Variants in DAP3 observed in about 807,000 individuals in gnomAD.
DAP3 encodes death associated protein 3, also known as small ribosomal subunit protein mS29.
A neutral mutation model predicts 51.9 loss-of-function variants in DAP3; 28 were observed. The observed-to-expected ratio is 0.54, with a 90% CI of 0.40 to 0.74. DAP3 has a LOEUF of 0.74. DAP3 is among the 30% of genes least tolerant of loss of function. DAP3 has a pLI of 0.00. For synonymous variants in DAP3, 170 were observed against 170.3 expected (o/e 1.00, Z 0.01); for missense variants, 458 against 483.5 (o/e 0.95, Z 0.49).
chr1:155,688,199 C>G, upstream of DAP3: 1 of 1,613,954 alleles, frequency 6.2e-7, no homozygotes, highest in Non-Finnish European at 8.5e-7. Flanking sequence ...GCGGGTAAGC[C>G]GACTGGCGGA....
chr1:155,705,981 A>G (rs1004401078), intron 1 of DAP3, among the ~76,000 whole-genome samples: 4 of 152,134 alleles, frequency 2.6e-5, no homozygotes, highest in Non-Finnish European at 5.9e-5. Flanking sequence ...GATCACAGGT[A>G]TGAACCACTG....
chr1:155,709,345 T>G (rs1033310919), intron 1 of DAP3, among the ~76,000 whole-genome samples: 2 of 152,090 alleles, frequency 1.3e-5, no homozygotes, highest in Non-Finnish European at 2.9e-5. Flanking sequence ...AGGGTCTCAC[T>G]TTGTTGCTGA....
rs1263034264 is a variant in DAP3 at position 155,725,366 on chromosome 1, T to C, written c.271-16T>C. 1 of 1,608,808 alleles carries C rather than the reference T, an allele frequency of 6.2e-7. No homozygotes were observed. Among genetic ancestry groups the C allele is most frequent in the Non-Finnish European group, 8.5e-7 (1 of 1,175,262 alleles). ...TCCACACCCACCCACTCTTTCCTTC[T>C]TTCCTACTTTATCAGGTGAAGACAT... On this transcript the variant is annotated splice_polypyrimidine_tract_variant and intron_variant, in intron 4 of 12. Transcript: ENST00000368336.
chr1:155,688,503 C>T, upstream of DAP3: 1 of 1,548,028 alleles, frequency 6.5e-7, no homozygotes, highest in Non-Finnish European at 8.7e-7. Context: ...CGAGTGTCTA[C>T]GGGCTCGTCG....
chr1:155,702,041 A>C (rs1441975185), intron 1 of DAP3, among the ~76,000 whole-genome samples: 1 of 150,928 alleles, frequency 6.6e-6, no homozygotes, highest in Admixed American at 6.6e-5. Context: ...ACCAAAGACA[A>C]GTTGACCCTA....
At chr1:155,698,899 T>C (rs1368017979) in intron 1 of DAP3, among the ~76,000 whole-genome samples, 1 of 152,184 alleles carries the variant, frequency 6.6e-6, no homozygotes, top group African/African-American at 2.4e-5. Flanking sequence ...TTGGGAGTCC[T>C]TTGTCTGTCG....
At chr1:155,702,981 AAAAG>A (rs1655500191) in intron 1 of DAP3, among the ~76,000 whole-genome samples, 1 of 152,142 alleles carries the variant, frequency 6.6e-6, no homozygotes, top group Non-Finnish European at 1.5e-5. Context: ...GAAAAAAAGA[AAAAG>A]AAAAAGAAAA....
In DAP3 at chr1:155,729,240, A is replaced by G; in HGVS notation, c.717A>G (p.Ala239=). The G allele has an allele frequency of 3.1e-6, 5 of 1,614,176 alleles. No homozygotes were observed. Among genetic ancestry groups the G allele is most frequent in the African/African-American group, 1.3e-5 (1 of 75,050 alleles). ...GITRVRNATD[A]VGIVLKELKR... ...CACGGGTGAGGAACGCCACAGATGC[A>G]GTTGGAATTGTGCTGAAAGAGCTAA... is the stretch of plus-strand genomic sequence containing the variant. Residue 239 remains alanine (A), a synonymous_variant, in exon 9 of 13, where the codon GCA becomes GCG. Transcript: ENST00000368336.
chr1:155,727,736 C>T lies in DAP3; in HGVS notation c.601C>T (p.Gln201Ter). ...AACTACAAATGAGCGCTTCCTGAAC[C>T]AGGTGACTAGACTCCCAGAAGTTGA... Reference protein sequence around the residue: ...FKTTNERFLNQIKVQEKYVWN... With the variant: ...FKTTNERFLN The change falls in exon 7 of 13, where the codon CAG (glutamine) becomes TAG (stop). Residue 201 changes from glutamine (Q) to a stop codon, truncating the protein, a stop_gained and splice_region_variant. Transcript: ENST00000368336. LOFTEE classifies it high-confidence loss of function. The T allele has an allele frequency of 1.2e-6, 2 of 1,613,288 alleles. No individual in the cohort carries two copies. The highest frequency in any genetic ancestry group is 1.7e-6 in the Non-Finnish European group (2 of 1,179,594).
rs970416794 is a variant in DAP3 at position 155,731,868 on chromosome 1, A to G, written c.904-76A>G. The G allele has an allele frequency of 7.6e-6, 11 of 1,450,746 alleles. No homozygotes were observed. The Admixed American group carries it at 1.8e-4, about 24-fold the overall frequency. 89.9% of individuals were successfully genotyped at this position (1,450,746 alleles called of 1,614,324 possible). A position where few individuals can be genotyped will look rare whatever the true frequency, so the allele number is the denominator to read the frequency against. ...CACTGTATGCCCAAGAAAGAAAAAA[A>G]AAATCTACAGATGATTAATGCAGTT... is the stretch of plus-strand genomic sequence containing the variant. On this transcript the variant is annotated intron_variant, in intron 10 of 12. Transcript: ENST00000368336.
At chr1:155,688,470 G>C (rs1653024790), upstream of DAP3, 3 of 1,549,532 alleles carry the variant, frequency 1.9e-6, no homozygotes, top group African/African-American at 2.7e-5. Context: ...GCCATGTAGC[G>C]CGCACGTCAG....
intron 9 of DAP3, 33 bp from the exon 10 acceptor site, chr1:155,731,323 A>AGT: frequency 6.2e-7 from 1 of 1,606,020 alleles, no homozygotes; most frequent in Middle Eastern, 1.7e-4. Flanking sequence ...AAGGCACGTG[A>AGT]TGATCTCTTC....
intron 4 of DAP3, among the ~76,000 whole-genome samples, chr1:155,724,158 G>A (rs925042177): frequency 5.3e-5 from 8 of 151,814 alleles, no homozygotes; most frequent in African/African-American, 1.7e-4. Flanking sequence ...ACACACATTA[G>A]TACTTCCCAA....
At chr1:155,737,146 T>C in intron 12 of DAP3, 83 bp downstream of exon 12, 1 of 942,366 alleles carries the variant, frequency 1.1e-6, no homozygotes, top group Admixed American at 2.0e-5. Flanking sequence ...TCTTCTTCCC[T>C]TAACAACAGC....
At chr1:155,735,107 T>TG (rs151035247) in intron 11 of DAP3, among the ~76,000 whole-genome samples, 4,909 of 67,424 alleles carry the variant, frequency 0.073, 299 homozygotes, top group African/African-American at 0.23. Context: ...TACCAAAAAA[T>TG]GAAAAAAAAA....
At chr1:155,737,798 A>G (rs986139207) in intron 12 of DAP3, among the ~76,000 whole-genome samples, 3 of 152,080 alleles carry the variant, frequency 2.0e-5, no homozygotes, top group Admixed American at 2.0e-4. Context: ...TATTTAGAAT[A>G]GCTTATTAAA....
chr1:155,733,019 G>A (rs879872141), intron 11 of DAP3, among the ~76,000 whole-genome samples: 5 of 152,170 alleles, frequency 3.3e-5, no homozygotes, highest in Admixed American at 6.5e-5. Flanking sequence ...GCGAGACTCC[G>A]TCTCAAAAAA....
intron 5 of DAP3, 99 bp downstream of exon 5, chr1:155,725,589 A>G (rs750594124): frequency 8.8e-7 from 1 of 1,138,958 alleles, no homozygotes; most frequent in Non-Finnish European, 1.3e-6. Context: ...GAGGCCGGGC[A>G]TGGTAGCTCA....
chr1:155,688,371 G>A, upstream of DAP3: 1 of 1,543,286 alleles, frequency 6.5e-7, no homozygotes, highest in South Asian at 1.2e-5. Flanking sequence ...TCCAGAGGGA[G>A]GGAGCTAAGG....
Sources: allele counts gnomAD v4.1 joint callset (sites outside exome capture counted in the v4.1 genomes callset), GRCh38; gene constraint gnomAD v4.1.1; transcripts MANE v1.5; gene names NCBI Gene and HGNC (gene_info 2026-07-23, HGNC 2026-07-21).